Variants in HTR1F observed in about 807,000 individuals in gnomAD.
HTR1F encodes the protein 5-hydroxytryptamine (serotonin) receptor 1F, G protein-coupled.
A neutral mutation model predicts 24.0 loss-of-function variants in HTR1F; 17 were observed. That is an observed-to-expected ratio of 0.71 (90% CI 0.48 to 1.06). The LOEUF is 1.06. HTR1F is among the 50% of genes least tolerant of loss of function. HTR1F has a pLI of 0.00. For missense variants in HTR1F, 391 were observed against 427.8 expected, an observed-to-expected ratio of 0.91 and a Z score of 0.76; for synonymous variants, 186 against 156.8, an observed-to-expected ratio of 1.19 and a Z score of -1.39.
intron 2 of HTR1F, among the ~76,000 whole-genome samples, chr3:87,892,377 A>G (rs189216980): frequency 6.7e-4 from 101 of 150,818 alleles, no homozygotes; most frequent in African/African-American, 2.2e-3. Flanking sequence ...TCCATTGATT[A>G]TTAAAATTTT....
Position 87,811,173 on chromosome 3 carries a change from G to A in HTR1F, c.-159-10835G>A, listed in dbSNP as rs530939519. 9.2e-5 allele frequency among the ~76,000 whole-genome samples: 14 copies of A among 152,082 alleles called. No individual in the cohort carries two copies. The East Asian group carries it at 2.7e-3, about 29-fold the overall frequency. On this transcript the variant is annotated intron_variant, in intron 1 of 2. Coordinates refer to ENST00000319595, the MANE Select transcript of HTR1F (RefSeq NM_001322209.2). ...ATATATGAACCATAGTGGCAAAATT[G>A]GAGATTCTCCAGTAGTCTGGCTCAC...
At chr3:87,809,982 T>C (rs542325513) in intron 1 of HTR1F, among the ~76,000 whole-genome samples, 34 of 152,090 alleles carry the variant, frequency 2.2e-4, no homozygotes, top group Non-Finnish European at 3.2e-4. Flanking sequence ...TTTCAGTAGA[T>C]GAACTCACCT....
chr3:87,890,259 C>A (rs1475730997), intron 2 of HTR1F, among the ~76,000 whole-genome samples: 1 of 152,184 alleles, frequency 6.6e-6, no homozygotes, highest in Non-Finnish European at 1.5e-5. Flanking sequence ...ATACAAGTTA[C>A]TCTTATTTTT....
chr3:87,948,338 T>G (rs1445757364), intron 2 of HTR1F, among the ~76,000 whole-genome samples: 2 of 152,188 alleles, frequency 1.3e-5, no homozygotes, highest in Non-Finnish European at 2.9e-5. Flanking sequence ...ATAAAGAGGC[T>G]CCAAGACATT....
rs1339177800 is a variant in HTR1F at position 87,792,826 on chromosome 3, T to A, written c.-176T>A. ...GCGCCACCTTGCCAGCTCCGACTGC[T>A]GCAGGGAGCGCCAGGGGTGAGTGTG... On this transcript the variant is annotated 5_prime_UTR_variant, in exon 1 of 3. Transcript: ENST00000319595. Among the ~76,000 whole-genome samples, 1 of 152,168 alleles carries A rather than the reference T, an allele frequency of 6.6e-6. No homozygotes were observed. Among genetic ancestry groups the A allele is most frequent in the Non-Finnish European group, 1.5e-5 (1 of 68,030 alleles).
At chr3:87,925,429 G>T (rs540914436) in intron 2 of HTR1F, among the ~76,000 whole-genome samples, 2 of 152,138 alleles carry the variant, frequency 1.3e-5, no homozygotes, top group Non-Finnish European at 2.9e-5. Flanking sequence ...TCTTTTTGGG[G>T]ATGCAGGGCA....
At chr3:87,968,253 C>T (rs559875395) in intron 2 of HTR1F, among the ~76,000 whole-genome samples, 1 of 151,852 alleles carries the variant, frequency 6.6e-6, no homozygotes, top group South Asian at 2.1e-4. Context: ...ACTCTTGTTG[C>T]CCAGGCTGGA....
intron 2 of HTR1F, among the ~76,000 whole-genome samples, chr3:87,935,365 GTCAATT>G (rs1198773514): frequency 6.6e-6 from 1 of 152,188 alleles, no homozygotes; most frequent in Non-Finnish European, 1.5e-5. Flanking sequence ...CTCTTTAAGA[GTCAATT>G]TCACTCTTCT....
At chr3:87,805,958 A>G (rs1704066874) in intron 1 of HTR1F, among the ~76,000 whole-genome samples, 1 of 152,020 alleles carries the variant, frequency 6.6e-6, no homozygotes, top group Non-Finnish European at 1.5e-5. Flanking sequence ...CACATTCATT[A>G]CTTTCATGAG....
At chr3:87,937,164 A>T (rs1704444262) in intron 2 of HTR1F, among the ~76,000 whole-genome samples, 1 of 151,728 alleles carries the variant, frequency 6.6e-6, no homozygotes, top group African/African-American at 2.4e-5. Context: ...AAAACCTGCC[A>T]GAGACCAACA....
chr3:87,872,540 A>G (rs1705581039), intron 2 of HTR1F, among the ~76,000 whole-genome samples: 1 of 152,044 alleles, frequency 6.6e-6, no homozygotes, highest in Admixed American at 6.6e-5. Flanking sequence ...TGTCTAACTA[A>G]AAGAGACTAA....
intron 2 of HTR1F, among the ~76,000 whole-genome samples, chr3:87,857,751 G>A (rs1469666628): frequency 6.6e-6 from 1 of 152,020 alleles, no homozygotes; most frequent in Admixed American, 6.6e-5. Context: ...ACTACCCAGA[G>A]TCCATAGTTT....
chr3:87,821,384 G>T (rs956122407), intron 1 of HTR1F, among the ~76,000 whole-genome samples: 1 of 152,100 alleles, frequency 6.6e-6, no homozygotes, highest in African/African-American at 2.4e-5. Context: ...GTCTTCTCAT[G>T]AGAAACTGAG....
chr3:87,978,178 G>A (rs1352905489), intron 2 of HTR1F, among the ~76,000 whole-genome samples: 1 of 152,172 alleles, frequency 6.6e-6, no homozygotes, highest in Non-Finnish European at 1.5e-5. Context: ...CTCTGGATGA[G>A]GGGAACATGG....
intron 2 of HTR1F, among the ~76,000 whole-genome samples, chr3:87,938,095 G>C (rs530526710): frequency 6.6e-6 from 1 of 152,176 alleles, no homozygotes; most frequent in South Asian, 2.1e-4. Flanking sequence ...CAAAGTCTCA[G>C]TACACAAAAA....
chr3:87,987,812 A>G (rs1246129455), intron 2 of HTR1F, among the ~76,000 whole-genome samples: 1 of 143,764 alleles, frequency 7.0e-6, no homozygotes, highest in Non-Finnish European at 1.5e-5. Flanking sequence ...TGTATTATAT[A>G]TGTATTATAT....
intron 2 of HTR1F, among the ~76,000 whole-genome samples, chr3:87,901,390 GA>G: frequency 6.6e-6 from 1 of 152,098 alleles, no homozygotes; most frequent in South Asian, 2.1e-4. Context: ...GAAGAGATGA[GA>G]AAAAAACAGC....
At chr3:87,963,552 T>C (rs1436898908) in intron 2 of HTR1F, among the ~76,000 whole-genome samples, 1 of 152,128 alleles carries the variant, frequency 6.6e-6, no homozygotes, top group Non-Finnish European at 1.5e-5. Context: ...TGACAATAAC[T>C]ATCCTCTCTC....
chr3:87,889,600 A>G (rs1706034107), intron 2 of HTR1F, among the ~76,000 whole-genome samples: 1 of 152,188 alleles, frequency 6.6e-6, no homozygotes, highest in Admixed American at 6.6e-5. Context: ...GCTACAAGGA[A>G]AATGTTAGGC....
Sources: gnomAD v4.1 joint callset for allele counts (sites outside exome capture counted in the v4.1 genomes callset) on GRCh38, gnomAD v4.1.1 for gene constraint, MANE v1.5 for transcripts, NCBI Gene and HGNC (gene_info 2026-07-23, HGNC 2026-07-21) for gene names.